The following ABCC1 variants were observed in gnomAD, a reference collection of about 807,000 sequenced individuals.
ABCC1 encodes multidrug resistance-associated protein 1.
ABCC1 carries 83 observed loss-of-function variants against 172.9 expected under a neutral mutation model. That is an observed-to-expected ratio of 0.48 (90% CI 0.40 to 0.58). The LOEUF (loss-of-function observed/expected upper bound fraction) is 0.58, where lower values mean the gene tolerates loss of function less well. Among genes scored for constraint, ABCC1 ranks in the 20% least tolerant of loss-of-function variants. The probability of loss-of-function intolerance (pLI) is 0.00; values close to 1 mark genes in which losing one functional copy is unlikely to be tolerated. For synonymous variants in ABCC1, 937 were observed against 825.2 expected (o/e 1.14, Z -2.32); for missense variants, 1,817 against 2,002.7 (o/e 0.91, Z 1.77).
intron 19 of ABCC1, among the ~76,000 whole-genome samples, chr16:16,096,268 A>T (rs1474785607): frequency 6.6e-6 from 1 of 152,028 alleles, no homozygotes; most frequent in Admixed American, 6.6e-5. Flanking sequence ...CCGAGAAAGA[A>T]CATCTTTCTG....
chr16:16,059,153 C>T (rs759495201), intron 12 of ABCC1, among the ~76,000 whole-genome samples: 4 of 152,184 alleles, frequency 2.6e-5, no homozygotes, highest in African/African-American at 9.7e-5. Flanking sequence ...GCCATGGCAT[C>T]ACCTGGTGCT....
rs557248118 is a variant in ABCC1 at position 16,109,771 on chromosome 16, T to A, written c.2872-1604T>A. On this transcript the variant is annotated intron_variant, in intron 21 of 30. Coordinates refer to ENST00000399410, the MANE Select transcript of ABCC1 (RefSeq NM_004996.4). ...TATTCTGTGCTCAGAGTGAAAAGAG[T>A]TGGAGGAGGCTGGCCCAGTTGTGGT... is the stretch of plus-strand genomic sequence containing the variant. 1.1e-4 allele frequency among the ~76,000 whole-genome samples: 17 copies of A among 152,002 alleles called. No homozygotes were observed. The South Asian group carries it at 3.5e-3, about 32-fold the overall frequency.
intron 1 of ABCC1, among the ~76,000 whole-genome samples, chr16:15,972,787 C>CTTTTTTTTTTTTTT (rs35086205): frequency 4.5e-5 from 4 of 89,336 alleles, no homozygotes; most frequent in Non-Finnish European, 8.2e-5. Context: ...TATTTTTTAA[C>CTTTTTTTTTTTTTT]TTTTTTTTTT....
At chr16:16,137,856 A>AT (rs892724130) in intron 29 of ABCC1, among the ~76,000 whole-genome samples, 34 of 144,212 alleles carry the variant, frequency 2.4e-4, no homozygotes, top group South Asian at 4.4e-4. Context: ...CCCGGCTCTT[A>AT]TTTTTTTTTT....
At chr16:16,068,017 T>A (rs960212712) in intron 12 of ABCC1, 139 bp from the exon 13 acceptor site, 6 of 910,960 alleles carry the variant, frequency 6.6e-6, no homozygotes, top group Admixed American at 4.6e-5. Flanking sequence ...CTGCCCCAGG[T>A]TTTTCCACGA....
intron 19 of ABCC1, among the ~76,000 whole-genome samples, chr16:16,095,581 C>T (rs940970132): frequency 7.2e-5 from 11 of 152,214 alleles, no homozygotes; most frequent in Non-Finnish European, 1.6e-4. Context: ...AGCAAGAAAC[C>T]CTGTGTGCTC....
chr16:16,098,589 A>C (rs2051585541), intron 19 of ABCC1, among the ~76,000 whole-genome samples: 2 of 152,260 alleles, frequency 1.3e-5, no homozygotes, highest in Non-Finnish European at 2.9e-5. Flanking sequence ...ACTTCCCTCC[A>C]GCCTGGGCTA....
chr16:16,074,619 C>G (rs1012507291), intron 14 of ABCC1, among the ~76,000 whole-genome samples: 1 of 152,192 alleles, frequency 6.6e-6, no homozygotes, highest in Non-Finnish European at 1.5e-5. Flanking sequence ...GTTTAGCACG[C>G]TCTAGCCAGT....
chr16:15,962,920 C>T (rs1007143078), intron 1 of ABCC1, among the ~76,000 whole-genome samples: 2 of 152,190 alleles, frequency 1.3e-5, no homozygotes, highest in African/African-American at 4.8e-5. Flanking sequence ...AACAGTTCCC[C>T]AAAGTCTTAA....
chr16:16,086,853 G>A lies in ABCC1; in HGVS notation c.2322G>A (p.Gln774=). 1 of 1,614,090 alleles carries A rather than the reference G, an allele frequency of 6.2e-7. No individual in the cohort carries two copies. Among genetic ancestry groups the A allele is most frequent in the Non-Finnish European group, 8.5e-7 (1 of 1,180,038 alleles). Residue 774 remains glutamine (Q), a synonymous_variant, in exon 18 of 31, where the codon CAG becomes CAA. Coordinates refer to ENST00000399410, the MANE Select transcript of ABCC1 (RefSeq NM_004996.4). The part of the protein sequence containing the change: ...KGVNLSGGQK[Q]RVSLARAVYS... ...TGAACCTGTCTGGGGGCCAGAAGCAGCGCGTGAGCCTGGCCCGGGCCGTGT... is the reference window on the plus strand; with the variant it reads ...TGAACCTGTCTGGGGGCCAGAAGCAACGCGTGAGCCTGGCCCGGGCCGTGT...
rs1555502584 is a variant in ABCC1 at position 16,124,335 on chromosome 16, G to GTGTGTGTGTGTGTATGTGTGTGTA, written c.3591-441_3591-440insATGTGTGTGTATGTGTGTGTGTGT. Reference sequence around the variant, plus strand: ...ATGCACTGTGTGTGTGTGTGTGTGTGTGTGTGTGTGTGTGATTATAGGAGT... The same window carrying GTGTGTGTGTGTGTATGTGTGTGTA: ...ATGCACTGTGTGTGTGTGTGTGTGTGTGTGTGTGTGTGTATGTGTGTGTATGTGTGTGTGTGTGATTATAGGAGT... On this transcript the variant is annotated intron_variant, in intron 24 of 30. Coordinates refer to ENST00000399410, the MANE Select transcript of ABCC1 (RefSeq NM_004996.4). Among the ~76,000 whole-genome samples the GTGTGTGTGTGTGTATGTGTGTGTA allele has an allele frequency of 4.0e-4, 35 of 87,984 alleles. 3 individuals are homozygous for GTGTGTGTGTGTGTATGTGTGTGTA. The highest frequency in any genetic ancestry group is 1.5e-3 in the African/African-American group (33 of 22,458). The allele number at this position is 87,984 out of a possible 152,430, so 57.7% of individuals were successfully genotyped here. A position where few individuals can be genotyped will look rare whatever the true frequency, so the allele number is the denominator to read the frequency against.
chr16:16,000,269 A>C (rs182035170), intron 1 of ABCC1, among the ~76,000 whole-genome samples: 36 of 150,988 alleles, frequency 2.4e-4, no homozygotes, highest in African/African-American at 6.8e-4. Context: ...GCTTCAGCCC[A>C]CTGAGTAGCT....
chr16:16,116,105 C>T (rs2044852686), intron 23 of ABCC1, among the ~76,000 whole-genome samples: 1 of 152,046 alleles, frequency 6.6e-6, no homozygotes, highest in South Asian at 2.1e-4. Flanking sequence ...AAGGTTTCAC[C>T]ATGTTAGCCA....
At chr16:16,076,924 C>T (rs768892037) in intron 15 of ABCC1, among the ~76,000 whole-genome samples, 1 of 152,164 alleles carries the variant, frequency 6.6e-6, no homozygotes, top group Non-Finnish European at 1.5e-5. Context: ...GCTATGCCTT[C>T]AGACACTGAG....
At chr16:16,071,260 A>ATTTT (rs55691800) in intron 13 of ABCC1, among the ~76,000 whole-genome samples, 2 of 130,650 alleles carry the variant, frequency 1.5e-5, no homozygotes, top group African/African-American at 2.8e-5. Context: ...AATTTTATGT[A>ATTTT]TTTTTTTTTT....
intron 1 of ABCC1, among the ~76,000 whole-genome samples, chr16:15,960,435 A>G (rs1469216982): frequency 1.3e-5 from 2 of 151,990 alleles, no homozygotes; most frequent in Admixed American, 1.3e-4. Context: ...TCATTCATTC[A>G]TTTATTCAGT....
chr16:15,957,820 T>TTGACCTCG (rs1297179814), intron 1 of ABCC1, among the ~76,000 whole-genome samples: 2 of 152,002 alleles, frequency 1.3e-5, no homozygotes, highest in African/African-American at 4.8e-5. Context: ...CCTCGATCTC[T>TTGACCTCG]TGACCTCGTG....
intron 1 of ABCC1, among the ~76,000 whole-genome samples, chr16:15,980,508 G>A (rs2046597727): frequency 6.6e-6 from 1 of 152,140 alleles, no homozygotes; most frequent in Non-Finnish European, 1.5e-5. Flanking sequence ...TGGCAGGAAG[G>A]AGAAGTGCTG....
At chr16:16,007,292 A>C (rs2047580444) in intron 1 of ABCC1, among the ~76,000 whole-genome samples, 1 of 150,720 alleles carries the variant, frequency 6.6e-6, no homozygotes, top group Non-Finnish European at 1.5e-5. Flanking sequence ...CAGTGGCATG[A>C]TCTCAGCTCG....
Sources: allele counts gnomAD v4.1 joint callset (sites outside exome capture counted in the v4.1 genomes callset), GRCh38; gene constraint gnomAD v4.1.1; transcripts MANE v1.5; gene names NCBI Gene and HGNC (gene_info 2026-07-23, HGNC 2026-07-21).